The following G3BP2 variants were observed in gnomAD, a reference collection of about 807,000 sequenced individuals.
The protein encoded by G3BP2 is ras GTPase-activating protein-binding protein 2.
G3BP2 carries 11 observed loss-of-function variants against 56.7 expected under a neutral mutation model. The observed-to-expected ratio is 0.19, with a 90% CI of 0.12 to 0.32. The LOEUF (loss-of-function observed/expected upper bound fraction) is 0.32, where lower values mean the gene tolerates loss of function less well. Ranked by LOEUF, G3BP2 falls within the 10% of genes least tolerant of loss-of-function variation. G3BP2 has a pLI of 1.00. For synonymous variants in G3BP2, 165 were observed against 191.6 expected (o/e 0.86, Z 1.15); for missense variants, 340 against 610.9 (o/e 0.56, Z 4.67).
At chr4:75,712,482 G>T (rs10004891) in intron 3 of G3BP2, among the ~76,000 whole-genome samples, 48,322 of 152,040 alleles carry the variant, frequency 0.32, 8,967 homozygotes, top group East Asian at 0.76. Context: ...TGTGAGAAGA[G>T]AATGTTAAAA....
chr4:75,663,125 C>T (rs1732701043), intron 1 of G3BP2, among the ~76,000 whole-genome samples: 1 of 152,104 alleles, frequency 6.6e-6, no homozygotes, highest in Non-Finnish European at 1.5e-5. Flanking sequence ...AGTCTCTAGC[C>T]CTCAAGGAGT....
At chr4:75,674,351 C>A (rs969104534), upstream of G3BP2, among the ~76,000 whole-genome samples, 6 of 152,162 alleles carry the variant, frequency 3.9e-5, no homozygotes, top group African/African-American at 1.4e-4. Context: ...ATGTACATCT[C>A]ATCAGTTTTC....
intron 3 of G3BP2, among the ~76,000 whole-genome samples, chr4:75,684,393 A>T (rs1406137778): frequency 1.3e-5 from 2 of 152,128 alleles, no homozygotes; most frequent in African/African-American, 4.8e-5. Context: ...CGACAGAGTT[A>T]GACTTTGTCA....
intron 3 of G3BP2, among the ~76,000 whole-genome samples, chr4:75,679,488 A>G (rs1470514849): frequency 6.6e-6 from 1 of 152,248 alleles, no homozygotes; most frequent in Non-Finnish European, 1.5e-5. Context: ...TATGTCTCAC[A>G]TCCAGAAAAG....
chr4:75,715,787 T>A (rs1220106525), intron 3 of G3BP2, among the ~76,000 whole-genome samples: 1 of 152,214 alleles, frequency 6.6e-6, no homozygotes, highest in Non-Finnish European at 1.5e-5. Flanking sequence ...AAATGAAATG[T>A]GTTAAATACT....
intron 3 of G3BP2, among the ~76,000 whole-genome samples, chr4:75,703,952 T>G (rs1351005378): frequency 2.6e-5 from 4 of 152,284 alleles, no homozygotes; most frequent in African/African-American, 9.6e-5. Context: ...CTTCTTTTGA[T>G]TGATAAATAA....
chr4:75,672,601 A>G (rs1331854616), intron 1 of G3BP2: 1 of 152,186 alleles, frequency 6.6e-6, no homozygotes, highest in Admixed American at 6.5e-5. Flanking sequence ...GGGTAAGCGA[A>G]GCGGCGGCTG....
intron 3 of G3BP2, among the ~76,000 whole-genome samples, chr4:75,716,618 C>G (rs766357228): frequency 1.3e-5 from 2 of 152,104 alleles, no homozygotes; most frequent in Non-Finnish European, 2.9e-5. Flanking sequence ...CAGGTTCAAG[C>G]GATTCTCCTG....
chr4:75,710,887 A>C (rs1719729142), intron 3 of G3BP2, among the ~76,000 whole-genome samples: 1 of 151,750 alleles, frequency 6.6e-6, no homozygotes, highest in Non-Finnish European at 1.5e-5. Context: ...TGGTCTTGAA[A>C]TCCTAGCTTC....
intron 3 of G3BP2, among the ~76,000 whole-genome samples, chr4:75,716,679 C>A (rs1719940913): frequency 6.6e-6 from 1 of 152,016 alleles, no homozygotes; most frequent in Non-Finnish European, 1.5e-5. Context: ...CCATGCCCAG[C>A]TAATTTTGTA....
chr4:75,663,002 G>A (rs1239810868), intron 1 of G3BP2, among the ~76,000 whole-genome samples: 1 of 152,152 alleles, frequency 6.6e-6, no homozygotes, highest in African/African-American at 2.4e-5. Flanking sequence ...TCAGTACTTA[G>A]AGAGAATCAT....
At chr4:75,717,230 G>A (rs2149117429) in intron 3 of G3BP2, among the ~76,000 whole-genome samples, 1 of 152,058 alleles carries the variant, frequency 6.6e-6, no homozygotes, top group South Asian at 2.1e-4. Context: ...GTCTCCAGGA[G>A]TTTGAGAGCA....
chr4:75,657,807 T>C (rs1342758425), intron 3 of G3BP2, 77 bp from the exon 4 acceptor site: 8 of 897,646 alleles, frequency 8.9e-6, no homozygotes, highest in Admixed American at 2.2e-5. Flanking sequence ...CTACCCTCAT[T>C]GATTTCCTTA....
chr4:75,717,800 G>C (rs903801567), intron 3 of G3BP2, among the ~76,000 whole-genome samples: 6 of 152,112 alleles, frequency 3.9e-5, no homozygotes, highest in Admixed American at 3.3e-4. Context: ...AAGAAACAGT[G>C]CTAGGGCCTG....
chr4:75,676,235 A>T (rs1397873845), upstream of G3BP2, among the ~76,000 whole-genome samples: 1 of 151,874 alleles, frequency 6.6e-6, no homozygotes, highest in Non-Finnish European at 1.5e-5. Flanking sequence ...TCCACCTCCT[A>T]TAGACTAGGC....
chr4:75,692,389 G>A (rs904639197), intron 3 of G3BP2, among the ~76,000 whole-genome samples: 1 of 152,096 alleles, frequency 6.6e-6, no homozygotes, highest in African/African-American at 2.4e-5. Flanking sequence ...TTGTCTCACT[G>A]CAACTTCCGC....
chr4:75,714,501 G>A (rs1344169977), intron 3 of G3BP2, among the ~76,000 whole-genome samples: 3 of 152,096 alleles, frequency 2.0e-5, no homozygotes, highest in Non-Finnish European at 4.4e-5. Flanking sequence ...GGTGGCGAGT[G>A]CCTGTAATTC....
At chr4:75,648,809 A>G in intron 8 of G3BP2, 68 bp from the exon 9 acceptor site, 1 of 868,868 alleles carries the variant, frequency 1.2e-6, no homozygotes, top group Non-Finnish European at 1.9e-6. Context: ...CAAAGCACCT[A>G]ACGACAAGTC....
chr4:75,722,884 C>A (rs1280025450), intron 1 of G3BP2, among the ~76,000 whole-genome samples: 2 of 152,188 alleles, frequency 1.3e-5, no homozygotes, highest in Non-Finnish European at 2.9e-5. Flanking sequence ...TTCATATATT[C>A]TTTCAATAAT....
Sources: gnomAD v4.1 joint callset for allele counts (sites outside exome capture counted in the v4.1 genomes callset) on GRCh38, gnomAD v4.1.1 for gene constraint, MANE v1.5 for transcripts, NCBI Gene and HGNC (gene_info 2026-07-23, HGNC 2026-07-21) for gene names.